DLG2: variants seen among roughly 807,000 people sequenced by gnomAD.
DLG2 encodes the protein disks large homolog 2.
A neutral mutation model predicts 132.5 loss-of-function variants in DLG2; 45 were observed. That is an observed-to-expected ratio of 0.34 (90% confidence interval 0.27 to 0.44). The LOEUF (loss-of-function observed/expected upper bound fraction) is 0.44, where lower values mean the gene tolerates loss of function less well. Among genes scored for constraint, DLG2 ranks in the 20% least tolerant of loss-of-function variants. The pLI, the probability that DLG2 is intolerant of heterozygous loss-of-function variation, is 1.00. For synonymous variants in DLG2, 424 were observed against 419.6 expected, an observed-to-expected ratio of 1.01 and a Z score of -0.13; for missense variants, 1,045 against 1,196.9, an observed-to-expected ratio of 0.87 and a Z score of 1.87.
At chr11:83,775,102 C>T (rs1268830945) in intron 18 of DLG2, among the ~76,000 whole-genome samples, 13 of 152,202 alleles carry the variant, frequency 8.5e-5, no homozygotes, top group African/African-American at 3.1e-4. Flanking sequence ...CAAGCCGCTA[C>T]TGTCGGACTC....
intron 7 of DLG2, among the ~76,000 whole-genome samples, chr11:84,409,938 G>A (rs17808062): frequency 0.032 from 4,836 of 152,246 alleles, 138 homozygotes; most frequent in South Asian, 0.16. Context: ...ATGGAGATTA[G>A]AATTGTGACT....
intron 11 of DLG2, among the ~76,000 whole-genome samples, chr11:84,019,482 AAAGACGT>A (rs1179423379): frequency 1.3e-5 from 2 of 152,206 alleles, no homozygotes; most frequent in African/African-American, 4.8e-5. Context: ...TACATAGCGA[AAAGACGT>A]AAGGAGGATT....
chr11:84,351,364 C>A (rs568738080), intron 7 of DLG2, among the ~76,000 whole-genome samples: 1 of 152,106 alleles, frequency 6.6e-6, no homozygotes, highest in East Asian at 1.9e-4. Context: ...TCTTATTTTT[C>A]TTCATGCATT....
chr11:85,482,026 T>A (rs534845347), intron 3 of DLG2, among the ~76,000 whole-genome samples: 1 of 151,292 alleles, frequency 6.6e-6, no homozygotes, highest in Admixed American at 6.6e-5. Context: ...AAGCTCCAGA[T>A]CAGACCCAGC....
chr11:83,503,589 T>C lies in DLG2; in HGVS notation c.2194-19361A>G, dbSNP rs192157458. On this transcript the variant is annotated intron_variant, in intron 21 of 27. Coordinates refer to ENST00000376104, the MANE Select transcript of DLG2 (RefSeq NM_001142699.3). ...GAACCTGGAGTCCGATGTTCAAGGG[T>C]AGGAAGCATCCAGCATGGGAGAAGG... 6.9e-3 allele frequency among the ~76,000 whole-genome samples: 1,042 copies of C among 151,418 alleles called. 17 individuals carry two copies. Among genetic ancestry groups the C allele is most frequent in the African/African-American group, 0.024 (1,009 of 41,280 alleles).
chr11:84,694,722 T>C (rs1449417404), intron 6 of DLG2, among the ~76,000 whole-genome samples: 1 of 151,624 alleles, frequency 6.6e-6, no homozygotes, highest in Non-Finnish European at 1.5e-5. Flanking sequence ...TAACCTGATT[T>C]TGATCTGTTT....
At chr11:84,855,018 T>A (rs1241805769) in intron 6 of DLG2, among the ~76,000 whole-genome samples, 1 of 152,034 alleles carries the variant, frequency 6.6e-6, no homozygotes, top group Non-Finnish European at 1.5e-5. Context: ...TAATAGTTGG[T>A]TGACAGATTC....
intron 3 of DLG2, among the ~76,000 whole-genome samples, chr11:85,451,876 T>C (rs2092259167): frequency 6.6e-6 from 1 of 152,304 alleles, no homozygotes; most frequent in Non-Finnish European, 1.5e-5. Context: ...ATTTTTATAT[T>C]GCTCTGTCAT....
intron 18 of DLG2, among the ~76,000 whole-genome samples, chr11:83,700,784 T>C (rs2082789231): frequency 6.6e-6 from 1 of 152,150 alleles, no homozygotes; most frequent in Non-Finnish European, 1.5e-5. Context: ...ACAAAATTGA[T>C]AATCTACATT....
chr11:83,793,515 C>G (rs1480909190), intron 17 of DLG2, among the ~76,000 whole-genome samples: 1 of 152,134 alleles, frequency 6.6e-6, no homozygotes, highest in East Asian at 1.9e-4. Flanking sequence ...CATAAGATTT[C>G]TACATGTTTC....
At chr11:85,612,414 C>G (rs1000043273) in intron 2 of DLG2, among the ~76,000 whole-genome samples, 1 of 152,188 alleles carries the variant, frequency 6.6e-6, no homozygotes, top group Admixed American at 6.5e-5. Flanking sequence ...AATGGATATT[C>G]AGTGAGGAAA....
At chr11:85,618,186 T>C (rs935841443) in intron 2 of DLG2, among the ~76,000 whole-genome samples, 3 of 152,092 alleles carry the variant, frequency 2.0e-5, no homozygotes, top group Admixed American at 2.0e-4. Context: ...CAACCTACAT[T>C]GAGGATATAG....
intron 19 of DLG2, among the ~76,000 whole-genome samples, chr11:83,618,470 G>A (rs768120138): frequency 2.0e-5 from 3 of 152,084 alleles, no homozygotes; most frequent in Non-Finnish European, 2.9e-5. Context: ...TGTATAAGAC[G>A]CTAGGTGATT....
intron 16 of DLG2, among the ~76,000 whole-genome samples, chr11:83,846,939 GC>G (rs377728637): frequency 0.66 from 62,128 of 94,302 alleles, 17,220 homozygotes; most frequent in Middle Eastern, 0.78. Context: ...TATCTCCCAA[GC>G]CAAAAAAAAA....
At chr11:85,486,485 C>A (rs1055956856) in intron 3 of DLG2, among the ~76,000 whole-genome samples, 2 of 152,160 alleles carry the variant, frequency 1.3e-5, no homozygotes, top group East Asian at 3.9e-4. Context: ...CTAATCCTAT[C>A]CCCCAAGTAC....
chr11:85,414,844 T>A (rs983426777), intron 3 of DLG2, among the ~76,000 whole-genome samples: 26 of 151,944 alleles, frequency 1.7e-4, no homozygotes, highest in African/African-American at 6.0e-4. Context: ...TTTATCATTA[T>A]ATAATGTCCC....
intron 18 of DLG2, among the ~76,000 whole-genome samples, chr11:83,689,172 A>G (rs533153823): frequency 1.3e-5 from 2 of 152,244 alleles, no homozygotes; most frequent in African/African-American, 4.8e-5. Flanking sequence ...CTCAGTCTGG[A>G]GACTGAGGTC....
chr11:85,514,977 C>G (rs569902935), intron 3 of DLG2, among the ~76,000 whole-genome samples: 49 of 151,866 alleles, frequency 3.2e-4, no homozygotes, highest in African/African-American at 1.1e-3. Flanking sequence ...TTTCTGGGAG[C>G]TAAGGTAAAA....
At chr11:84,831,712 T>A (rs1489656886) in intron 6 of DLG2, among the ~76,000 whole-genome samples, 1 of 151,698 alleles carries the variant, frequency 6.6e-6, no homozygotes, top group Non-Finnish European at 1.5e-5. Flanking sequence ...CTTTACCACC[T>A]CATTTAATAA....
Sources: allele counts gnomAD v4.1 joint callset (sites outside exome capture counted in the v4.1 genomes callset), GRCh38; gene constraint gnomAD v4.1.1; transcripts MANE v1.5; gene names NCBI Gene and HGNC (gene_info 2026-07-23, HGNC 2026-07-21).